GREB1L: variants seen among roughly 807,000 people sequenced by gnomAD.
GREB1L encodes GREB1-like protein.
A neutral mutation model predicts 200.8 loss-of-function variants in GREB1L; 17 were observed. The observed-to-expected ratio is 0.08, with a 90% CI of 0.06 to 0.13. The LOEUF (loss-of-function observed/expected upper bound fraction) is 0.13. Ranked by LOEUF, GREB1L falls within the 10% of genes least tolerant of loss-of-function variation. The pLI is 1.00. For synonymous variants in GREB1L, 789 were observed against 893.0 expected, an observed-to-expected ratio of 0.88 and a Z score of 2.08; for missense variants, 1,657 against 2,367.7, an observed-to-expected ratio of 0.70 and a Z score of 6.23.
intron 1 of GREB1L, among the ~76,000 whole-genome samples, chr18:21,258,914 G>C (rs1427485771): frequency 6.6e-6 from 1 of 152,140 alleles, no homozygotes; most frequent in African/African-American, 2.4e-5. Flanking sequence ...CTGCATAGTG[G>C]AATAGAGCCA....
chr18:21,497,346 CAG>C (rs2036584119), intron 21 of GREB1L, among the ~76,000 whole-genome samples: 2 of 152,150 alleles, frequency 1.3e-5, no homozygotes, highest in African/African-American at 4.8e-5. Context: ...AAGCTTAATG[CAG>C]AAAACATGGA....
chr18:21,489,048 C>T (rs2036233193), intron 18 of GREB1L, among the ~76,000 whole-genome samples: 1 of 152,236 alleles, frequency 6.6e-6, no homozygotes, highest in African/African-American at 2.4e-5. Flanking sequence ...GCTTTCTTGA[C>T]TAGCAGCTCT....
chr18:21,456,532 A>G (rs2034772097), intron 15 of GREB1L, among the ~76,000 whole-genome samples: 1 of 152,084 alleles, frequency 6.6e-6, no homozygotes, highest in Non-Finnish European at 1.5e-5. Context: ...GAGCTGACTG[A>G]CAGTACATTT....
At chr18:21,379,452 C>T (rs1453350009) in intron 2 of GREB1L, among the ~76,000 whole-genome samples, 1 of 152,182 alleles carries the variant, frequency 6.6e-6, no homozygotes, top group East Asian at 1.9e-4. Context: ...GTGATCTGCC[C>T]GCCTTGGCCT....
At chr18:21,268,592 T>TATAC (rs1555623557) in intron 1 of GREB1L, among the ~76,000 whole-genome samples, 15 of 128,340 alleles carry the variant, frequency 1.2e-4, no homozygotes, top group Admixed American at 8.1e-4. Context: ...TATATATATA[T>TATAC]ACATGTATAT....
At chr18:21,416,102 T>A (rs145433466) in intron 7 of GREB1L, among the ~76,000 whole-genome samples, 25 of 152,284 alleles carry the variant, frequency 1.6e-4, no homozygotes, top group Admixed American at 1.1e-3. Context: ...CTTCAGAAAG[T>A]TAAGTAGACA....
intron 15 of GREB1L, among the ~76,000 whole-genome samples, chr18:21,457,476 T>C (rs1353554529): frequency 6.6e-6 from 1 of 152,212 alleles, no homozygotes; most frequent in Admixed American, 6.5e-5. Context: ...AGTAGAAACC[T>C]TTAAACATTT....
At chr18:21,463,018 G>A (rs1384059283) in intron 15 of GREB1L, among the ~76,000 whole-genome samples, 1 of 151,554 alleles carries the variant, frequency 6.6e-6, no homozygotes, top group African/African-American at 2.4e-5. Flanking sequence ...GAAAAAGATT[G>A]GAAAGAAATC....
chr18:21,511,794 A>G (rs940734178), intron 27 of GREB1L, among the ~76,000 whole-genome samples: 22 of 152,188 alleles, frequency 1.4e-4, no homozygotes, highest in Non-Finnish European at 2.9e-5. Context: ...CTATAGGCGT[A>G]TGCCACCATG....
At chr18:21,308,234 C>G (rs2038732988) in intron 1 of GREB1L, among the ~76,000 whole-genome samples, 1 of 152,200 alleles carries the variant, frequency 6.6e-6, no homozygotes, top group Non-Finnish European at 1.5e-5. Context: ...ACAGCTTCTC[C>G]TTTACCTTCT....
At chr18:21,385,183 A>C (rs1420964457) in intron 4 of GREB1L, among the ~76,000 whole-genome samples, 1 of 152,154 alleles carries the variant, frequency 6.6e-6, no homozygotes, top group Non-Finnish European at 1.5e-5. Context: ...TATACCCAGA[A>C]TGACTTGGAC....
chr18:21,424,149 A>G (rs569547520), intron 7 of GREB1L, among the ~76,000 whole-genome samples: 1 of 152,324 alleles, frequency 6.6e-6, no homozygotes, highest in South Asian at 2.1e-4. Flanking sequence ...GCAACAAAGC[A>G]TCCGCTTACT....
At chr18:21,309,100 T>G (rs1220349270) in intron 1 of GREB1L, among the ~76,000 whole-genome samples, 15 of 152,234 alleles carry the variant, frequency 9.9e-5, no homozygotes, top group Non-Finnish European at 7.3e-5. Flanking sequence ...TAAAACATAC[T>G]CAGTGGATAT....
chr18:21,488,321 T>A (rs1032947640), intron 18 of GREB1L, among the ~76,000 whole-genome samples: 8 of 151,736 alleles, frequency 5.3e-5, no homozygotes, highest in Non-Finnish European at 1.2e-4. Flanking sequence ...AAAGGCAGAG[T>A]TGTTCATATA....
At chr18:21,334,299 G>T (rs1430454887) in intron 1 of GREB1L, among the ~76,000 whole-genome samples, 1 of 152,052 alleles carries the variant, frequency 6.6e-6, no homozygotes, top group Non-Finnish European at 1.5e-5. Flanking sequence ...ATAGATTTAG[G>T]TTCAAAATTT....
intron 17 of GREB1L, among the ~76,000 whole-genome samples, chr18:21,484,531 A>G (rs2036051877): frequency 1.3e-5 from 2 of 152,156 alleles, no homozygotes; most frequent in Admixed American, 6.5e-5. Flanking sequence ...AAATAACAAA[A>G]GTGGGCCAGG....
rs2033895228 is a variant in GREB1L at position 21,441,429 on chromosome 18, A to G, written c.1099A>G (p.Thr367Ala). 6.5e-7 allele frequency: 1 copy of G among 1,550,028 alleles called. No homozygotes were observed. Among genetic ancestry groups the G allele is most frequent in the South Asian group, 1.2e-5 (1 of 83,680 alleles). ...CCTTTTATCTGCCCCAGTTCCACAG[A>G]CCCCACTAACTGGAATTTTACAACC... is the stretch of plus-strand genomic sequence containing the variant. ...EPLLSAPVPQTPLTGILQPRP... is the reference protein window; with the variant it reads ...EPLLSAPVPQAPLTGILQPRP... The change falls in exon 10 of 33, where the codon ACC becomes GCC. Residue 367 changes from threonine to alanine, a missense_variant. By Grantham distance (58) the Thr-to-Ala change is moderately conservative (BLOSUM62 0). Around this residue, in one of 9 missense-constraint regions of GREB1L, gnomAD observed 289 missense variants for 345.1 expected, o/e 0.84. Transcript: ENST00000424526.
At chr18:21,452,339 T>G (rs1249067063) in intron 14 of GREB1L, 122 bp downstream of exon 14, 21 of 933,508 alleles carry the variant, frequency 2.2e-5, no homozygotes, top group Non-Finnish European at 3.3e-5. Context: ...TTTTCCTGAT[T>G]GTCTACATGA....
At chr18:21,247,256 C>T (rs1313162316) in intron 1 of GREB1L, among the ~76,000 whole-genome samples, 1 of 152,156 alleles carries the variant, frequency 6.6e-6, no homozygotes. Context: ...TGTTTTTGAC[C>T]TGCCTATGAT....
Sources: allele counts gnomAD v4.1 joint callset (sites outside exome capture counted in the v4.1 genomes callset), GRCh38; gene constraint gnomAD v4.1.1; regional missense constraint gnomAD v4.1.1; transcripts MANE v1.5; gene names NCBI Gene and HGNC (gene_info 2026-07-23, HGNC 2026-07-21).